Variants in IL6ST observed in about 807,000 individuals in gnomAD.
The protein encoded by IL6ST is interleukin-6 receptor subunit beta.
In IL6ST, 24 loss-of-function variants were observed where a neutral mutation model predicts 91.3. That is an observed-to-expected ratio of 0.26 (90% CI 0.19 to 0.37). IL6ST has a LOEUF of 0.37. Ranked by LOEUF, IL6ST falls within the 10% of genes least tolerant of loss-of-function variation. The pLI is 1.00. For missense variants in IL6ST, 914 were observed against 1,078.5 expected (o/e 0.85, Z 2.14); for synonymous variants, 351 against 373.6 (o/e 0.94, Z 0.70).
At chr5:55,964,809 A>G (rs183808427) in intron 5 of IL6ST, among the ~76,000 whole-genome samples, 14 of 152,248 alleles carry the variant, frequency 9.2e-5, no homozygotes, top group Admixed American at 5.9e-4. Context: ...CACCATGGAA[A>G]GTTTCAAGTA....
chr5:55,960,611 C>T, intron 7 of IL6ST, 50 bp from the exon 8 acceptor site: 1 of 1,547,210 alleles, frequency 6.5e-7, no homozygotes, highest in Non-Finnish European at 8.7e-7. Context: ...GTAAGGTCTT[C>T]TAAATTGTGT....
chr5:55,960,592 C>T lies in IL6ST; in HGVS notation c.814-31G>A, dbSNP rs777713361. The T allele has an allele frequency of 2.5e-6, 4 of 1,591,578 alleles. No individual in the cohort carries two copies. In the Admixed American group the frequency reaches 7.3e-5, roughly 29 times the overall value. ...ACAAAGCAAACCAAACAACAGAAAA[C>T]CTCAATTAGTAAGGTCTTCTAAATT... On this transcript the variant is annotated intron_variant, in intron 7 of 16. Coordinates refer to ENST00000381298, the MANE Select transcript of IL6ST (RefSeq NM_002184.4).
chr5:55,954,508 A>C (rs562774115), intron 11 of IL6ST, among the ~76,000 whole-genome samples: 8 of 152,352 alleles, frequency 5.3e-5, no homozygotes, highest in African/African-American at 1.9e-4. Flanking sequence ...ACATATAACT[A>C]ATCAGCAGCA....
intron 2 of IL6ST, among the ~76,000 whole-genome samples, chr5:55,981,597 C>T (rs763974947): frequency 1.3e-5 from 2 of 151,856 alleles, no homozygotes; most frequent in Non-Finnish European, 2.9e-5. Context: ...GAGCCAAGAT[C>T]GTGCCATTGC....
Position 55,941,728 on chromosome 5 carries a change from A to G in IL6ST, c.2111T>C (p.Phe704Ser), listed in dbSNP as rs751137561. The G allele has an allele frequency of 9.9e-6, 16 of 1,614,080 alleles. No individual in the cohort carries two copies. The East Asian group carries it at 3.6e-4, about 36-fold the overall frequency. The part of the protein sequence containing the change: ...VEIEANDKKP[F>S]PEDLKSLDLF... ...GTCCAATGATTTCAGATCTTCTGGA[A>G]AAGGCTTTTTGTCATTTGCTTCTAT... Residue 704 changes from phenylalanine (F) to serine (S), a missense_variant, in exon 17 of 17, where the codon TTT becomes TCT. Phe to Ser is a radical substitution (Grantham distance 155). Coordinates refer to ENST00000381298, the MANE Select transcript of IL6ST (RefSeq NM_002184.4).
chr5:55,988,524 T>C (rs1754121673), intron 1 of IL6ST, among the ~76,000 whole-genome samples: 1 of 151,992 alleles, frequency 6.6e-6, no homozygotes. Context: ...CCCAGCACTT[T>C]GGGAGGCCGA....
At position 55,940,135 on chromosome 5, in the gene IL6ST, A is replaced by ATATGTGTG; in HGVS notation, c.*946_*947insCACACATA. 6.1e-6 allele frequency: 1 copy of ATATGTGTG among 163,836 alleles called. No homozygotes were observed. 10.1% of individuals were successfully genotyped at this position (163,836 alleles called of 1,614,324 possible). On this transcript the variant is annotated 3_prime_UTR_variant, in exon 17 of 17. Transcript: ENST00000381298. ...AGAAAAGTCAATGATATGTGTGTGT[A>ATATGTGTG]TATATATATATATATATACACACAT...
intron 1 of IL6ST, among the ~76,000 whole-genome samples, 177 bp from the exon 2 acceptor site, chr5:55,982,988 A>C (rs1488458042): frequency 6.6e-6 from 1 of 151,734 alleles, no homozygotes; most frequent in Non-Finnish European, 1.5e-5. Context: ...AGAGTATTCA[A>C]ATATTCTAGT....
chr5:55,952,152 G>T, intron 12 of IL6ST, 77 bp from the exon 13 acceptor site: 1 of 1,497,158 alleles, frequency 6.7e-7, no homozygotes, highest in Non-Finnish European at 9.2e-7. Context: ...AAAATCATTT[G>T]AACATAATGA....
chr5:55,984,659 T>C (rs967658329), intron 1 of IL6ST, among the ~76,000 whole-genome samples: 1 of 152,178 alleles, frequency 6.6e-6, no homozygotes, highest in African/African-American at 2.4e-5. Flanking sequence ...GTGGTACAGG[T>C]TGAACATCCC....
At chr5:55,993,265 G>A (rs1754435963) in intron 1 of IL6ST, among the ~76,000 whole-genome samples, 1 of 152,188 alleles carries the variant, frequency 6.6e-6, no homozygotes, top group African/African-American at 2.4e-5. Context: ...TGAGAAACGT[G>A]TCAACATGAC....
chr5:55,992,983 T>A (rs1311631637), intron 1 of IL6ST, among the ~76,000 whole-genome samples: 3 of 152,256 alleles, frequency 2.0e-5, no homozygotes, highest in Non-Finnish European at 4.4e-5. Flanking sequence ...CAGGTAGTAA[T>A]TGCTTAGTAT....
At chr5:55,975,070 G>A (rs113501584) in intron 3 of IL6ST, among the ~76,000 whole-genome samples, 2 of 151,704 alleles carry the variant, frequency 1.3e-5, no homozygotes, top group Non-Finnish European at 1.5e-5. Context: ...CTGTGACCTC[G>A]AGGTCCAGGG....
chr5:55,950,189 G>A lies in IL6ST; in HGVS notation c.1840+1275C>T, dbSNP rs188930544. 2,298 of 494,404 alleles carry A rather than the reference G, an allele frequency of 4.6e-3. 14 individuals carry two copies. The highest frequency in any genetic ancestry group is 6.7e-3 in the Non-Finnish European group (1,662 of 247,526). The allele number at this position is 494,404 out of a possible 1,614,324, so 30.6% of individuals were successfully genotyped here. ...GAGGGAGGGAAAATGTATTTGGGAA[G>A]GAAAGAGAAGATGGCTAAAGCCATG... is the stretch of plus-strand genomic sequence containing the variant. On this transcript the variant is annotated intron_variant, in intron 14 of 16. Coordinates refer to ENST00000381298, the MANE Select transcript of IL6ST (RefSeq NM_002184.4).
At chr5:55,942,280 A>G (rs1750968830) in intron 16 of IL6ST, among the ~76,000 whole-genome samples, 1 of 152,216 alleles carries the variant, frequency 6.6e-6, no homozygotes, top group African/African-American at 2.4e-5. Context: ...AGATCATTTC[A>G]TCAGTGCTAA....
chr5:55,948,568 ATATT>A (rs1388525410), intron 14 of IL6ST, among the ~76,000 whole-genome samples: 5 of 152,010 alleles, frequency 3.3e-5, no homozygotes, highest in Admixed American at 3.3e-4. Flanking sequence ...GTATGTATAT[ATATT>A]TATGTGTGTA....
intron 1 of IL6ST, among the ~76,000 whole-genome samples, chr5:55,986,121 C>T (rs1032797624): frequency 6.6e-5 from 10 of 152,158 alleles, no homozygotes; most frequent in African/African-American, 2.4e-4. Flanking sequence ...CATAAATGGT[C>T]ATTACGTGAA....
At position 55,976,275 on chromosome 5, in the gene IL6ST, A is replaced by T. The variant is rs1753284520; in HGVS notation, c.4T>A (p.Leu2Met). Residue 2 changes from leucine to methionine, a missense_variant, in exon 3 of 17, where the codon TTG (leucine) becomes ATG (methionine). Physicochemically the swap from Leu to Met is conservative, Grantham distance 15 (BLOSUM62 2). Coordinates refer to ENST00000381298, the MANE Select transcript of IL6ST (RefSeq NM_002184.4). Reference protein sequence around the residue: MLTLQTWLVQAL... With the variant: MMTLQTWLVQAL... ...TGCACTAGCCAAGTCTGCAACGTCA[A>T]CATCTTGCGCGGATATTTCTGCAAC... The T allele has an allele frequency of 6.3e-7, 1 of 1,584,252 alleles. No individual in the cohort carries two copies. Among genetic ancestry groups the T allele is most frequent in the Non-Finnish European group, 8.6e-7 (1 of 1,164,352 alleles).
At chr5:55,943,236 A>AAT (rs1487157301) in intron 15 of IL6ST, among the ~76,000 whole-genome samples, 23 of 152,312 alleles carry the variant, frequency 1.5e-4, no homozygotes, top group Admixed American at 1.3e-3. Context: ...ATTTGGAAGT[A>AAT]ATATAAAAAG....
Sources: gnomAD v4.1 joint callset for allele counts (sites outside exome capture counted in the v4.1 genomes callset) on GRCh38, gnomAD v4.1.1 for gene constraint, MANE v1.5 for transcripts, NCBI Gene and HGNC (gene_info 2026-07-23, HGNC 2026-07-21) for gene names.